Variants in SNX31 observed in about 807,000 individuals in gnomAD.
SNX31 encodes sorting nexin-31.
SNX31 carries 58 observed loss-of-function variants against 65.4 expected under a neutral mutation model. The observed-to-expected ratio is 0.89, with a 90% CI of 0.72 to 1.10. The LOEUF is 1.10. SNX31 is among the 50% of genes least tolerant of loss of function. SNX31 has a pLI of 0.00. For synonymous variants in SNX31, 181 were observed against 190.1 expected (o/e 0.95, Z 0.39); for missense variants, 523 against 529.7 (o/e 0.99, Z 0.12).
chr8:100,637,113 C>T (rs540521254), intron 2 of SNX31, among the ~76,000 whole-genome samples: 1 of 152,324 alleles, frequency 6.6e-6, no homozygotes, highest in Non-Finnish European at 1.5e-5. Flanking sequence ...CAGCCAGGCC[C>T]TTCTCTCCCA....
intron 4 of SNX31, among the ~76,000 whole-genome samples, chr8:100,628,806 T>C (rs771349097): frequency 4.1e-5 from 6 of 146,628 alleles, no homozygotes; most frequent in Admixed American, 7.0e-5. Context: ...GTTTGTAAAA[T>C]AAAATGGGTG....
chr8:100,650,647 G>A (rs986209638), upstream of SNX31, among the ~76,000 whole-genome samples: 3 of 152,090 alleles, frequency 2.0e-5, no homozygotes, highest in African/African-American at 4.8e-5. Flanking sequence ...CATATGCTAT[G>A]CCATTTAATT....
At chr8:100,599,253 A>G (rs185743461) in intron 9 of SNX31, among the ~76,000 whole-genome samples, 1 of 152,340 alleles carries the variant, frequency 6.6e-6, no homozygotes, top group East Asian at 1.9e-4. Context: ...TGGAAAAACT[A>G]CAAATACACA....
At chr8:100,619,245 T>C (rs1192036431) in intron 4 of SNX31, 1 of 152,152 alleles carries the variant, frequency 6.6e-6, no homozygotes, top group South Asian at 2.1e-4. Context: ...AAAGATCAAA[T>C]TGGTTTTGTA....
chr8:100,581,659 C>T (rs1813567404), intron 12 of SNX31, among the ~76,000 whole-genome samples: 1 of 152,114 alleles, frequency 6.6e-6, no homozygotes, highest in Non-Finnish European at 1.5e-5. Flanking sequence ...TGATCAAAAT[C>T]TTGGACTCGG....
chr8:100,589,073 G>A lies in SNX31; in HGVS notation c.979-94C>T, dbSNP rs1423989346. 5.6e-6 allele frequency: 5 copies of A among 890,524 alleles called. No individual in the cohort carries two copies. In the South Asian group the frequency reaches 7.7e-5, roughly 14 times the overall value. 55.2% of individuals were successfully genotyped at this position (890,524 alleles called of 1,614,324 possible). A position where few individuals can be genotyped will look rare whatever the true frequency, so the allele number is the denominator to read the frequency against. On this transcript the variant is annotated intron_variant, in intron 10 of 13. Transcript: ENST00000311812. ...CACACCTGAAATCCCAGCTGAGGCG[G>A]GCAGATCGCCTGAGGTCAGGAGTTC...
At chr8:100,649,039 T>C (rs1408859484) in intron 2 of SNX31, among the ~76,000 whole-genome samples, 1 of 152,214 alleles carries the variant, frequency 6.6e-6, no homozygotes, top group Non-Finnish European at 1.5e-5. Flanking sequence ...AAGAATCACC[T>C]GCGCCCGGTT....
chr8:100,641,625 CATATATATATATATAT>C (rs368399829), intron 2 of SNX31, among the ~76,000 whole-genome samples: 3 of 48,836 alleles, frequency 6.1e-5, no homozygotes, highest in African/African-American at 1.9e-4. Context: ...CACACACGCG[CATATATATATATATAT>C]ATATATATAT....
chr8:100,638,844 A>G (rs1462683741), intron 2 of SNX31, among the ~76,000 whole-genome samples: 3 of 152,246 alleles, frequency 2.0e-5, no homozygotes, highest in African/African-American at 7.2e-5. Flanking sequence ...TGATATATCC[A>G]TACAATGGAA....
chr8:100,595,551 A>C (rs1367376069), intron 10 of SNX31, among the ~76,000 whole-genome samples: 1 of 152,120 alleles, frequency 6.6e-6, no homozygotes, highest in Non-Finnish European at 1.5e-5. Context: ...AGGGACAGCA[A>C]AGTATAGAAT....
Position 100,612,296 on chromosome 8 carries a change from G to A in SNX31, c.524-209C>T, listed in dbSNP as rs1167379898. On this transcript the variant is annotated intron_variant, in intron 6 of 13. Coordinates refer to ENST00000311812, the MANE Select transcript of SNX31 (RefSeq NM_152628.4). The surrounding 1 kb of genome is among the most constrained non-coding windows in gnomAD (Gnocchi z 4.3). ...TCCTCAAAAAAAAACAGCCCCTTGA[G>A]TGGGGGGTGTTTTACACTGTGATAT... Among the ~76,000 whole-genome samples the A allele has an allele frequency of 1.3e-5, 2 of 152,000 alleles. No individual in the cohort carries two copies. The highest frequency in any genetic ancestry group is 6.5e-5 in the Admixed American group (1 of 15,268).
At chr8:100,628,507 G>A (rs989811998) in intron 4 of SNX31, among the ~76,000 whole-genome samples, 53 of 150,236 alleles carry the variant, frequency 3.5e-4, no homozygotes, top group African/African-American at 1.1e-3. Flanking sequence ...AACAAACACC[G>A]CATGTTCTCA....
In SNX31 at chr8:100,578,490, C is replaced by T. The variant is rs1262197279; in HGVS notation, c.1171-1415G>A. On this transcript the variant is annotated intron_variant, in intron 12 of 13. Coordinates refer to ENST00000311812, the MANE Select transcript of SNX31 (RefSeq NM_152628.4). The surrounding 1 kb of genome is among the most constrained non-coding windows in gnomAD (Gnocchi z 4.7). The stretch of plus-strand genomic sequence containing the variant: ...TGACTTAATTGTTTATTATTGCTTA[C>T]TTCTCATGAGAATATAGACGGAGAC... Among the ~76,000 whole-genome samples the T allele has an allele frequency of 6.6e-6, 1 of 152,082 alleles. No individual in the cohort carries two copies. The highest frequency in any genetic ancestry group is 1.5e-5 in the Non-Finnish European group (1 of 68,016).
chr8:100,599,630 T>C (rs1649981739), intron 9 of SNX31, among the ~76,000 whole-genome samples: 1 of 152,160 alleles, frequency 6.6e-6, no homozygotes, highest in Non-Finnish European at 1.5e-5. Context: ...CTCTAAATTT[T>C]GGTTGTATTT....
At chr8:100,618,950 T>C (rs1563557202) in intron 4 of SNX31, 1 of 152,242 alleles carries the variant, frequency 6.6e-6, no homozygotes, top group Non-Finnish European at 1.5e-5. Flanking sequence ...ACAGGCATAA[T>C]TGATTAAATC....
chr8:100,616,162 C>T (rs532923706), intron 5 of SNX31, among the ~76,000 whole-genome samples: 5 of 152,110 alleles, frequency 3.3e-5, no homozygotes, highest in African/African-American at 4.8e-5. Flanking sequence ...CAATGTTGAC[C>T]GAAACGTCAT....
intron 5 of SNX31, among the ~76,000 whole-genome samples, chr8:100,615,895 G>A (rs1001809272): frequency 6.6e-6 from 1 of 152,040 alleles, no homozygotes; most frequent in Non-Finnish European, 1.5e-5. Flanking sequence ...TCAGCCTCCT[G>A]AGTAGCTGGG....
At chr8:100,633,654 C>G (rs1433884933) in intron 3 of SNX31, among the ~76,000 whole-genome samples, 1 of 152,104 alleles carries the variant, frequency 6.6e-6, no homozygotes, top group East Asian at 1.9e-4. Context: ...ATCTGCCCAC[C>G]TCAGCCTCCC....
rs1812802123 is a variant in SNX31, at chr8:100,573,750, A to T, written c.*115T>A. On this transcript the variant is annotated 3_prime_UTR_variant, in exon 14 of 14. Coordinates refer to ENST00000311812, the MANE Select transcript of SNX31 (RefSeq NM_152628.4). ...AATACAGTCCATGTTAATGCCAAAA[A>T]AATGGGAAGAGGTCAAATTTCCTCC... The T allele has an allele frequency of 1.6e-6, 1 of 618,018 alleles. No homozygotes were observed. Among genetic ancestry groups the T allele is most frequent in the African/African-American group, 1.9e-5 (1 of 53,162 alleles). 38.3% of individuals were successfully genotyped at this position (618,018 alleles called of 1,614,324 possible). A position where few individuals can be genotyped will look rare whatever the true frequency, so the allele number is the denominator to read the frequency against.
Sources: allele counts gnomAD v4.1 joint callset (sites outside exome capture counted in the v4.1 genomes callset), GRCh38; gene constraint gnomAD v4.1.1; non-coding constraint Gnocchi (gnomAD v3.1); transcripts MANE v1.5; gene names NCBI Gene and HGNC (gene_info 2026-07-23, HGNC 2026-07-21).